WDR81: variants seen among roughly 807,000 people sequenced by gnomAD.
WDR81 encodes the protein WD repeat domain 81.
In WDR81, 92 loss-of-function variants were observed where a neutral mutation model predicts 140.8. That is an observed-to-expected ratio of 0.65 (90% confidence interval 0.55 to 0.78). The LOEUF is 0.78. Among genes scored for constraint, WDR81 ranks in the 30% least tolerant of loss-of-function variants. The probability of loss-of-function intolerance (pLI) is 0.00; values close to 1 mark genes in which losing one functional copy is unlikely to be tolerated. For missense variants in WDR81, 2,502 were observed against 2,636.4 expected (o/e 0.95, Z 1.12); for synonymous variants, 1,183 against 1,156.4 (o/e 1.02, Z -0.47).
At position 1,730,383 on chromosome 17, in the gene WDR81, C is replaced by T. The variant is rs748148544; in HGVS notation, c.3671C>T (p.Thr1224Ile). 5.0e-6 allele frequency: 8 copies of T among 1,611,606 alleles called. No individual in the cohort carries two copies. In the South Asian group the frequency reaches 6.6e-5, roughly 13 times the overall value. ...AGGGCCTGCTCCCACCCCGCAGATA[C>T]AGCCTGCAAGATGGTCCGCTGGCTG... ...EGKEQKILLD[T>I]ACKMVRWLSA... The change falls in exon 2 of 10, where the codon ACA becomes ATA. Residue 1224 changes from threonine (T) to isoleucine (I), a missense_variant. By Grantham distance (89) the Thr-to-Ile change is moderately conservative. Coordinates refer to ENST00000409644, the MANE Select transcript of WDR81 (RefSeq NM_001163809.2).
chr17:1,723,971 G>A (rs1275067539), upstream of WDR81, among the ~76,000 whole-genome samples: 3 of 152,234 alleles, frequency 2.0e-5, no homozygotes, highest in African/African-American at 7.2e-5. Flanking sequence ...AGTGTGTTGC[G>A]AGGGCCAAAT....
upstream of WDR81, among the ~76,000 whole-genome samples, chr17:1,723,485 A>G (rs1915003818): frequency 7.9e-6 from 1 of 126,762 alleles, no homozygotes; most frequent in Admixed American, 7.7e-5. Flanking sequence ...TTATTTATTT[A>G]TTTATTTATT....
chr17:1,736,372 C>G (rs535700676), intron 9 of WDR81, among the ~76,000 whole-genome samples, 154 bp downstream of exon 9: 2 of 152,138 alleles, frequency 1.3e-5, no homozygotes, highest in Admixed American at 6.5e-5. Context: ...GTAGCCCTCT[C>G]GGTCCACCTT....
rs542444655 is a variant in WDR81 at position 1,730,043 on chromosome 17, T to C, written c.3668-337T>C. ...GAAGAGAAGCAGGGAAAGGCCGTTA[T>C]GGCGAGACCGAGGGAGTGGAGGGAA... On this transcript the variant is annotated intron_variant, in intron 1 of 9. Coordinates refer to ENST00000409644, the MANE Select transcript of WDR81 (RefSeq NM_001163809.2). 9.3e-5 allele frequency among the ~76,000 whole-genome samples: 14 copies of C among 150,950 alleles called. No homozygotes were observed. The South Asian group carries it at 2.1e-3, about 23-fold the overall frequency.
chr17:1,726,040 C>T lies in WDR81; in HGVS notation c.1081C>T (p.His361Tyr), dbSNP rs1208366920. The change falls in exon 1 of 10, where the codon CAC becomes TAC. Residue 361 changes from histidine (H) to tyrosine (Y), a missense_variant. Around this residue, in one of 3 missense-constraint regions of WDR81, gnomAD observed 547 missense variants for 513.8 expected, o/e 1.06. Coordinates refer to ENST00000409644, the MANE Select transcript of WDR81 (RefSeq NM_001163809.2). ...GGTCCACGGCCGCATCAGCAACTTC[C>T]ACTACCTCATGCAGCTGAATCGGTT... ...DWVHGRISNF[H>Y]YLMQLNRLAG... 24 of 1,546,092 alleles carry T rather than the reference C, an allele frequency of 1.6e-5. No individual in the cohort carries two copies. Among genetic ancestry groups the T allele is most frequent in the Non-Finnish European group, 1.8e-5 (21 of 1,143,964 alleles).
chr17:1,720,427 C>A (rs1004680893), upstream of WDR81, among the ~76,000 whole-genome samples: 1 of 152,216 alleles, frequency 6.6e-6, no homozygotes, highest in Non-Finnish European at 1.5e-5. Flanking sequence ...AATTACCTCG[C>A]GTACTTGTTA....
rs928788426 is a variant in WDR81, at chr17:1,727,453, G to A, written c.2494G>A (p.Glu832Lys). ...LDTLLQMSGP[E>K]VPMGAERGKL... ...CACACTCCTGCAGATGAGTGGCCCC[G>A]AAGTCCCCATGGGAGCAGAGAGGGG... The change falls in exon 1 of 10, where the codon GAA (glutamate) becomes AAA (lysine). Residue 832 changes from glutamate (E) to lysine (K), a missense_variant. Coordinates refer to ENST00000409644, the MANE Select transcript of WDR81 (RefSeq NM_001163809.2). The A allele has an allele frequency of 3.4e-5, 53 of 1,550,274 alleles. No homozygotes were observed. Among genetic ancestry groups the A allele is most frequent in the Non-Finnish European group, 4.3e-5 (49 of 1,147,004 alleles).
intron 4 of WDR81, 142 bp downstream of exon 4, chr17:1,731,400 A>G (rs1197827792): frequency 2.0e-6 from 2 of 1,015,194 alleles, no homozygotes; most frequent in Non-Finnish European, 2.8e-6. Flanking sequence ...TGTGACCCTG[A>G]GCAAACCACA....
upstream of WDR81, among the ~76,000 whole-genome samples, chr17:1,723,510 G>C (rs1433487750): frequency 1.3e-4 from 16 of 124,824 alleles, no homozygotes; most frequent in Admixed American, 1.3e-3. Flanking sequence ...CTTTTTGACG[G>C]AGTCTCGCTC....
At chr17:1,730,665 G>A (rs1458102145) in intron 2 of WDR81, 90 bp from the exon 3 acceptor site, 5 of 1,478,808 alleles carry the variant, frequency 3.4e-6, no homozygotes, top group Non-Finnish European at 4.5e-6. Flanking sequence ...CCCAGCTAGA[G>A]TGAGCTCAAG....
chr17:1,716,532 T>C, upstream of WDR81: 1 of 1,548,226 alleles, frequency 6.5e-7, no homozygotes, highest in Non-Finnish European at 8.7e-7. Flanking sequence ...CAAACGAGAG[T>C]CCTAAAGAGC....
At chr17:1,729,099 G>A (rs967427157) in intron 1 of WDR81, among the ~76,000 whole-genome samples, 2 of 152,196 alleles carry the variant, frequency 1.3e-5, no homozygotes, top group African/African-American at 2.4e-5. Context: ...CCCAGCAGAC[G>A]AGATGCCGCA....
At position 1,732,892 on chromosome 17, in the gene WDR81, C is replaced by A; in HGVS notation, c.4489+61C>A. Reference sequence around the variant, plus strand: ...TGGCTGTCTCCTCCCTTGGGAGGCCCCATTCTCTGCCCTTGCCCCAGAGTC... The same window carrying A: ...TGGCTGTCTCCTCCCTTGGGAGGCCACATTCTCTGCCCTTGCCCCAGAGTC... On this transcript the variant is annotated intron_variant, in intron 6 of 9. Coordinates refer to ENST00000409644, the MANE Select transcript of WDR81 (RefSeq NM_001163809.2). 2.0e-6 allele frequency: 3 copies of A among 1,528,746 alleles called. No homozygotes were observed. The South Asian group carries it at 3.8e-5, about 19-fold the overall frequency. 94.7% of individuals were successfully genotyped at this position (1,528,746 alleles called of 1,614,324 possible).
rs371953249 is a variant in WDR81 at position 1,728,061 on chromosome 17, C to G, written c.3102C>G (p.Ser1034Arg). Residue 1034 changes from serine to arginine, a missense_variant, in exon 1 of 10, where the codon AGC (serine) becomes AGG (arginine). Coordinates refer to ENST00000409644, the MANE Select transcript of WDR81 (RefSeq NM_001163809.2). ...DLAGAAEEEESGLPGAGPGSC... is the reference protein window; with the variant it reads ...DLAGAAEEEERGLPGAGPGSC... ...CAGGGGCTGCTGAGGAGGAGGAGAG[C>G]GGGCTGCCCGGGGCCGGGCCTGGCT... 1.9e-6 allele frequency: 3 copies of G among 1,572,246 alleles called. No individual in the cohort carries two copies. The highest frequency in any genetic ancestry group is 2.6e-6 in the Non-Finnish European group (3 of 1,159,882).
In WDR81 at chr17:1,726,112, T is replaced by G; in HGVS notation, c.1153T>G (p.Trp385Gly). The G allele has an allele frequency of 6.5e-7, 1 of 1,544,860 alleles. No individual in the cohort carries two copies. The highest frequency in any genetic ancestry group is 1.2e-5 in the South Asian group (1 of 83,732). ...CCCCAACTACCACCCCGTGCTGCCCTGGGTGGTGGACTTCACTACGCCCCA... is the reference window on the plus strand; with the variant it reads ...CCCCAACTACCACCCCGTGCTGCCCGGGGTGGTGGACTTCACTACGCCCCA... ...GDPNYHPVLP[W>G]VVDFTTPHGR... The change falls in exon 1 of 10, where the codon TGG (tryptophan) becomes GGG (glycine). Residue 385 changes from tryptophan (W) to glycine (G), a missense_variant. Coordinates refer to ENST00000409644, the MANE Select transcript of WDR81 (RefSeq NM_001163809.2).
Position 1,735,933 on chromosome 17 carries a change from T to G in WDR81, c.5326-106T>G. ...GGCTTTTCATGCCCCCTGATGAGGG[T>G]CAGAGGCTCAGGCCTTCCTGCTGTG... On this transcript the variant is annotated intron_variant, in intron 8 of 9. Coordinates refer to ENST00000409644, the MANE Select transcript of WDR81 (RefSeq NM_001163809.2). The surrounding 1 kb of genome is among the most constrained non-coding windows in gnomAD (Gnocchi z 4.2). The G allele has an allele frequency of 6.8e-7, 1 of 1,469,930 alleles. No homozygotes were observed. The highest frequency in any genetic ancestry group is 1.3e-5 in the South Asian group (1 of 74,424). 91.1% of individuals were successfully genotyped at this position (1,469,930 alleles called of 1,614,324 possible). A position where few individuals can be genotyped will look rare whatever the true frequency, so the allele number is the denominator to read the frequency against.
rs1056538426 is a variant in WDR81 at position 1,735,805 on chromosome 17, ATGT to A, written c.5325+93_5325+95del. On this transcript the variant is annotated intron_variant, in intron 8 of 9. Coordinates refer to ENST00000409644, the MANE Select transcript of WDR81 (RefSeq NM_001163809.2). The surrounding 1 kb of genome is among the most constrained non-coding windows in gnomAD (Gnocchi z 4.2). ...GACTCCCCAAAAACAGAAAGCCAGGATGTTGTTCTGGGGCCCTAGTTAGTTTCT... is the reference window on the plus strand; with the variant it reads ...GACTCCCCAAAAACAGAAAGCCAGGATGTTCTGGGGCCCTAGTTAGTTTCT... 3 of 1,508,040 alleles carry A rather than the reference ATGT, an allele frequency of 2.0e-6. No individual in the cohort carries two copies. The highest frequency in any genetic ancestry group is 1.4e-5 in the African/African-American group (1 of 71,518). The allele number at this position is 1,508,040 out of a possible 1,614,324, so 93.4% of individuals were successfully genotyped here.
chr17:1,716,655 G>A (rs1238101440), intron 1 of WDR81: 1 of 1,551,448 alleles, frequency 6.4e-7, no homozygotes, highest in Non-Finnish European at 8.7e-7. Flanking sequence ...TTTTTAAACT[G>A]AGCTCGGAAT....
Position 1,725,030 on chromosome 17 carries a change from G to A in WDR81, c.71G>A (p.Ser24Asn). The change falls in exon 1 of 10, where the codon AGC becomes AAC. Residue 24 changes from serine to asparagine, a missense_variant. Physicochemically the swap from Ser to Asn is conservative, Grantham distance 46. Transcript: ENST00000409644. The part of the protein sequence containing the change: ...TPAGGWHSPP[S>N]PDMQELLRSV... ...GCCGGGGGCTGGCATTCCCCGCCAA[G>A]CCCAGACATGCAGGAGCTGCTCCGG... 2.7e-6 allele frequency: 4 copies of A among 1,472,532 alleles called. No individual in the cohort carries two copies. Among genetic ancestry groups the A allele is most frequent in the Non-Finnish European group, 3.6e-6 (4 of 1,114,504 alleles). 91.2% of individuals were successfully genotyped at this position (1,472,532 alleles called of 1,614,324 possible).
Sources: gnomAD v4.1 joint callset for allele counts (sites outside exome capture counted in the v4.1 genomes callset) on GRCh38, gnomAD v4.1.1 for gene constraint, gnomAD v4.1.1 regional missense constraint, Gnocchi (gnomAD v3.1) non-coding constraint, MANE v1.5 for transcripts, NCBI Gene and HGNC (gene_info 2026-07-23, HGNC 2026-07-21) for gene names.